Variants in FHOD3 observed in about 807,000 individuals in gnomAD.
FHOD3 encodes the protein FH1/FH2 domain-containing protein 3.
FHOD3 carries 90 observed loss-of-function variants against 173.0 expected under a neutral mutation model. That is an observed-to-expected ratio of 0.52 (90% CI 0.44 to 0.62). The LOEUF (loss-of-function observed/expected upper bound fraction) is 0.62, where lower values mean the gene tolerates loss of function less well. FHOD3 is among the 20% of genes least tolerant of loss of function. The probability of loss-of-function intolerance (pLI) is 0.00; values close to 1 mark genes in which losing one functional copy is unlikely to be tolerated. For synonymous variants in FHOD3, 828 were observed against 823.0 expected (o/e 1.01, Z -0.10); for missense variants, 1,945 against 2,034.7 (o/e 0.96, Z 0.85).
chr18:36,736,438 G>A (rs772793682), intron 20 of FHOD3, among the ~76,000 whole-genome samples: 6 of 152,190 alleles, frequency 3.9e-5, no homozygotes, highest in Admixed American at 3.9e-4. Flanking sequence ...AAAAAATCAG[G>A]TCACATAAAC....
chr18:36,493,373 G>C (rs1042470232), intron 3 of FHOD3, among the ~76,000 whole-genome samples: 1 of 152,056 alleles, frequency 6.6e-6, no homozygotes, highest in African/African-American at 2.4e-5. Context: ...AACATCAGCA[G>C]GTAATAATGG....
At chr18:36,752,316 C>T (rs1487036426) in intron 24 of FHOD3, among the ~76,000 whole-genome samples, 3 of 152,194 alleles carry the variant, frequency 2.0e-5, no homozygotes, top group Non-Finnish European at 4.4e-5. Flanking sequence ...GACTGCCATT[C>T]AAGGGGGAGA....
intron 3 of FHOD3, among the ~76,000 whole-genome samples, chr18:36,463,889 C>G (rs1209486029): frequency 1.3e-5 from 2 of 152,176 alleles, no homozygotes; most frequent in Non-Finnish European, 2.9e-5. Flanking sequence ...AAATTAAAAT[C>G]TAATTATTTT....
At chr18:36,497,927 A>G (rs910315272) in intron 3 of FHOD3, among the ~76,000 whole-genome samples, 1 of 152,210 alleles carries the variant, frequency 6.6e-6, no homozygotes, top group African/African-American at 2.4e-5. Context: ...TACATGAGAC[A>G]TTCACCAGGA....
At chr18:36,427,947 T>C (rs117973671) in intron 3 of FHOD3, among the ~76,000 whole-genome samples, 1 of 152,278 alleles carries the variant, frequency 6.6e-6, no homozygotes, top group Non-Finnish European at 1.5e-5. Flanking sequence ...GAATACAAAA[T>C]AGGTTTTGAA....
intron 9 of FHOD3, among the ~76,000 whole-genome samples, chr18:36,620,889 C>T (rs954642808): frequency 6.6e-6 from 1 of 152,210 alleles, no homozygotes; most frequent in Admixed American, 6.5e-5. Context: ...ACGAAGCCTA[C>T]AAGCAGAACC....
At chr18:36,704,936 T>C (rs997166579) in intron 17 of FHOD3, among the ~76,000 whole-genome samples, 1 of 152,164 alleles carries the variant, frequency 6.6e-6, no homozygotes, top group African/African-American at 2.4e-5. Context: ...GTGCTGTGTT[T>C]TTATTTTCTT....
At chr18:36,663,120 A>C (rs12963917) in intron 14 of FHOD3, among the ~76,000 whole-genome samples, 25,105 of 152,172 alleles carry the variant, frequency 0.16, 2,644 homozygotes, top group South Asian at 0.23. Context: ...CTACTGAAGA[A>C]AGCCTTTTTT....
chr18:36,632,379 T>C (rs1005945133), intron 10 of FHOD3, among the ~76,000 whole-genome samples: 1 of 152,262 alleles, frequency 6.6e-6, no homozygotes, highest in Non-Finnish European at 1.5e-5. Flanking sequence ...AAATATTCTT[T>C]GCTCATTTGT....
At chr18:36,560,501 T>G (rs1212920085) in intron 5 of FHOD3, among the ~76,000 whole-genome samples, 1 of 152,222 alleles carries the variant, frequency 6.6e-6, no homozygotes, top group Non-Finnish European at 1.5e-5. Context: ...ATGTCTTCCC[T>G]TCAAAGCTCT....
At chr18:36,318,733 G>T (rs954477500) in intron 1 of FHOD3, among the ~76,000 whole-genome samples, 3 of 152,090 alleles carry the variant, frequency 2.0e-5, no homozygotes, top group Non-Finnish European at 4.4e-5. Context: ...TTGCCTGATT[G>T]CCCTGGCCAG....
chr18:36,729,663 C>T (rs1212481326), intron 19 of FHOD3, among the ~76,000 whole-genome samples: 2 of 152,188 alleles, frequency 1.3e-5, no homozygotes, highest in African/African-American at 4.8e-5. Flanking sequence ...TATAATGACA[C>T]CAGTCCCGTC....
At chr18:36,554,767 G>C (rs2057805496) in intron 5 of FHOD3, among the ~76,000 whole-genome samples, 1 of 152,090 alleles carries the variant, frequency 6.6e-6, no homozygotes, top group Non-Finnish European at 1.5e-5. Flanking sequence ...ATAGATGTTG[G>C]ACAATTCAGG....
intron 1 of FHOD3, among the ~76,000 whole-genome samples, chr18:36,344,301 C>A (rs1248627137): frequency 6.6e-6 from 1 of 152,012 alleles, no homozygotes; most frequent in Non-Finnish European, 1.5e-5. Context: ...TATTGACTGC[C>A]CAAAACAATA....
At chr18:36,674,931 T>C (rs1321061745) in intron 14 of FHOD3, among the ~76,000 whole-genome samples, 3 of 152,222 alleles carry the variant, frequency 2.0e-5, no homozygotes, top group East Asian at 1.9e-4. Context: ...AACATTTTTT[T>C]CCTCAAAAAA....
At position 36,717,855 on chromosome 18, in the gene FHOD3, G is replaced by A. The variant is rs2040546186; in HGVS notation, c.2557G>A (p.Asp853Asn). ...TTGLWPAGVQ[D>N]AGVNGQCGDI... ...AGGTTTGTGGCCCGCAGGTGTCCAG[G>A]ATGCAGGTGTAAATGGACAGTGTGG... Residue 853 changes from aspartate to asparagine, a missense_variant, in exon 19 of 29, where the codon GAT (aspartate) becomes AAT (asparagine). Asp to Asn is a conservative substitution (Grantham distance 23). Coordinates refer to ENST00000590592, the MANE Select transcript of FHOD3 (RefSeq NM_001281740.3). 1.3e-6 allele frequency: 2 copies of A among 1,588,296 alleles called. No homozygotes were observed. Among genetic ancestry groups the A allele is most frequent in the South Asian group, 2.3e-5 (2 of 87,220 alleles).
At chr18:36,302,645 G>A (rs567566418) in intron 1 of FHOD3, among the ~76,000 whole-genome samples, 57 of 152,316 alleles carry the variant, frequency 3.7e-4, no homozygotes, top group African/African-American at 1.3e-3. Flanking sequence ...ATTGATTGGT[G>A]TTAGTTTTAG....
intron 3 of FHOD3, among the ~76,000 whole-genome samples, chr18:36,393,412 TG>T: frequency 6.6e-6 from 1 of 152,270 alleles, no homozygotes; most frequent in East Asian, 1.9e-4. Context: ...GTAGGATTCT[TG>T]GTGGCATCCC....
At chr18:36,415,019 G>T (rs2049559520) in intron 3 of FHOD3, among the ~76,000 whole-genome samples, 1 of 152,174 alleles carries the variant, frequency 6.6e-6, no homozygotes, top group African/African-American at 2.4e-5. Flanking sequence ...CAGTGAGTTT[G>T]GGAACTGGGG....
Sources: gnomAD v4.1 joint callset for allele counts (sites outside exome capture counted in the v4.1 genomes callset) on GRCh38, gnomAD v4.1.1 for gene constraint, MANE v1.5 for transcripts, NCBI Gene and HGNC (gene_info 2026-07-23, HGNC 2026-07-21) for gene names.